Variants in NSUN7 observed in about 807,000 individuals in gnomAD.
NSUN7 encodes NOP2/Sun RNA methyltransferase family member 7.
Under a neutral mutation model 58.5 loss-of-function variants are expected in NSUN7, and 39 were observed. The ratio of observed to expected loss-of-function variants is 0.67; its 90% confidence interval spans 0.52 to 0.87. The LOEUF is 0.87. Ranked by LOEUF, NSUN7 falls within the 40% of genes least tolerant of loss-of-function variation. NSUN7 has a pLI of 0.00. For missense variants in NSUN7, 765 were observed against 844.1 expected (o/e 0.91, Z 1.16); for synonymous variants, 278 against 303.7 (o/e 0.92, Z 0.88).
intron 2 of NSUN7, among the ~76,000 whole-genome samples, chr4:40,755,200 C>T (rs1741079612): frequency 6.6e-6 from 1 of 152,152 alleles, no homozygotes; most frequent in Non-Finnish European, 1.5e-5. Context: ...AGTGATTCTC[C>T]TGCCTCAGCC....
chr4:40,803,236 G>A (rs994191298), intron 10 of NSUN7, among the ~76,000 whole-genome samples: 4 of 151,914 alleles, frequency 2.6e-5, no homozygotes, highest in South Asian at 2.1e-4. Flanking sequence ...GACTAGTGCC[G>A]CAATAAACAT....
chr4:40,774,349 A>G lies in NSUN7; in HGVS notation c.573A>G (p.Thr191=). 4 of 1,613,990 alleles carry G rather than the reference A, an allele frequency of 2.5e-6. No individual in the cohort carries two copies. The highest frequency in any genetic ancestry group is 3.4e-6 in the Non-Finnish European group (4 of 1,179,866). The change falls in exon 5 of 12, where the codon ACA becomes ACG. Residue 191 remains threonine (T), a synonymous_variant. Transcript: ENST00000381782. The part of the protein sequence containing the change: ...ALSIYHILPE[T]VRKQELRAST... Reference sequence around the variant, plus strand: ...CAATTTACCACATCCTTCCAGAAACAGTTAGGAAACAGGAACTAAGGGCCT... The same window carrying G: ...CAATTTACCACATCCTTCCAGAAACGGTTAGGAAACAGGAACTAAGGGCCT...
chr4:40,807,090 C>T lies in NSUN7; in HGVS notation c.1430C>T (p.Ser477Phe), dbSNP rs1743836008. The T allele has an allele frequency of 1.9e-6, 3 of 1,551,606 alleles. No individual in the cohort carries two copies. The highest frequency in any genetic ancestry group is 1.4e-5 in the African/African-American group (1 of 73,002). The change falls in exon 11 of 12, where the codon TCC becomes TTC. Residue 477 changes from serine to phenylalanine, a missense_variant. Coordinates refer to ENST00000381782, the MANE Select transcript of NSUN7 (RefSeq NM_024677.6). ...AGTCCTCCTGTTCTTCCACTGTGCT[C>T]CTTAAAGGAAATTCAATTGTCTACT... ...RLSPPVLPLCSLKEIQLSTDK... is the reference protein window; with the variant it reads ...RLSPPVLPLCFLKEIQLSTDK...
chr4:40,771,945 T>C (rs1742033376), intron 4 of NSUN7, among the ~76,000 whole-genome samples: 1 of 151,852 alleles, frequency 6.6e-6, no homozygotes, highest in East Asian at 1.9e-4. Context: ...TTTAAAGCTA[T>C]GGAAGAAGCT....
rs752669041 is a variant in NSUN7, at chr4:40,807,119, A to C, written c.1459A>C (p.Lys487Gln). The part of the protein sequence containing the change: ...SLKEIQLSTD[K>Q]FFRMEPSEIT... ...AAAGGAAATTCAATTGTCTACTGAT[A>C]AATTTTTCAGAATGGAACCATCTGA... Residue 487 changes from lysine to glutamine, a missense_variant, in exon 11 of 12, where the codon AAA (lysine) becomes CAA (glutamine). Physicochemically the swap from Lys to Gln is moderately conservative, Grantham distance 53 (BLOSUM62 1). Transcript: ENST00000381782. The C allele has an allele frequency of 3.9e-6, 6 of 1,551,376 alleles. No individual in the cohort carries two copies. In the South Asian group the frequency reaches 7.1e-5, roughly 18 times the overall value.
In NSUN7 at chr4:40,750,813, G is replaced by C. The variant is rs34487249; in HGVS notation, c.120G>C (p.Thr40=). ...GKSSAGVPEK[T]GYPDSVYVMA... is the part of the protein sequence containing the mutation. Reference sequence around the variant, plus strand: ...GCTCAGCTGGTGTGCCCGAAAAAACGGGCTATCCGGACTCCGTTTATGTCA... The same window carrying C: ...GCTCAGCTGGTGTGCCCGAAAAAACCGGCTATCCGGACTCCGTTTATGTCA... Residue 40 remains threonine, a synonymous_variant, in exon 2 of 12, where the codon ACG becomes ACC. Transcript: ENST00000381782. The C allele has an allele frequency of 5.6e-3, 9,009 of 1,614,178 alleles. 35 individuals are homozygous for C. Among genetic ancestry groups the C allele is most frequent in the Non-Finnish European group, 6.8e-3 (8,003 of 1,180,032 alleles).
At chr4:40,764,234 C>T (rs575888755) in intron 4 of NSUN7, among the ~76,000 whole-genome samples, 1 of 118,792 alleles carries the variant, frequency 8.4e-6, no homozygotes, top group Non-Finnish European at 1.7e-5. Flanking sequence ...CCCCTCCCCC[C>T]ACCCCACAAC....
At chr4:40,762,476 G>A (rs917520869) in intron 4 of NSUN7, 1 of 152,168 alleles carries the variant, frequency 6.6e-6, no homozygotes, top group African/African-American at 2.4e-5. Context: ...AGAAGATTCA[G>A]GTAATAGTAA....
At chr4:40,803,993 G>A (rs114650478) in intron 10 of NSUN7, among the ~76,000 whole-genome samples, 1,553 of 152,274 alleles carry the variant, frequency 0.01, 23 homozygotes, top group African/African-American at 0.034. Flanking sequence ...TTGGGAGACA[G>A]AGCAAAAGCC....
Position 40,798,887 on chromosome 4 carries a change from T to A in NSUN7, c.1383T>A (p.Asn461Lys). 1 of 1,596,322 alleles carries A rather than the reference T, an allele frequency of 6.3e-7. No individual in the cohort carries two copies. The highest frequency in any genetic ancestry group is 8.6e-7 in the Non-Finnish European group (1 of 1,164,734). Reference protein sequence around the residue: ...KKALEFQDLGNKGQPYRLSPP... With the variant: ...KKALEFQDLGKKGQPYRLSPP... ...CACTGGAATTTCAAGACCTTGGGAA[T>A]AAAGGACAACCTTACAGGTAAGAAA... The change falls in exon 10 of 12, where the codon AAT (asparagine) becomes AAA (lysine). Residue 461 changes from asparagine to lysine, a missense_variant. Transcript: ENST00000381782.
Position 40,809,317 on chromosome 4 carries a change from C to G in NSUN7, c.*378C>G. 5.9e-6 allele frequency: 1 copy of G among 168,848 alleles called. No individual in the cohort carries two copies. The allele number at this position is 168,848 out of a possible 1,614,324, so 10.5% of individuals were successfully genotyped here. A position where few individuals can be genotyped will look rare whatever the true frequency, so the allele number is the denominator to read the frequency against. On this transcript the variant is annotated 3_prime_UTR_variant, in exon 12 of 12. Transcript: ENST00000381782. The stretch of plus-strand genomic sequence containing the variant: ...CTCATTAGAAAGCCAAACAGGCAAA[C>G]GATCCTGGCCTCTCCCGCCAGCTGA...
rs1741378464 is a variant in NSUN7, at chr4:40,760,111, CA to C, written c.299-321del. ...TAAAAAGAATAAGAAAACTATTGCT[CA>C]ACATTATTAATTAGATCCTCTTTAA... is the stretch of plus-strand genomic sequence containing the variant. On this transcript the variant is annotated intron_variant, in intron 2 of 11. Transcript: ENST00000381782. Among the ~76,000 whole-genome samples, 3 of 152,104 alleles carry C rather than the reference CA, an allele frequency of 2.0e-5. No individual in the cohort carries two copies. In the South Asian group the frequency reaches 6.2e-4, roughly 32 times the overall value.
At chr4:40,808,107 A>C (rs538877342) in intron 11 of NSUN7, among the ~76,000 whole-genome samples, 200 bp from the exon 12 acceptor site, 18 of 85,562 alleles carry the variant, frequency 2.1e-4, no homozygotes, top group Non-Finnish European at 4.2e-4. Flanking sequence ...GGGGAAGTTT[A>C]AGTTTTTTTT....
intron 10 of NSUN7, among the ~76,000 whole-genome samples, chr4:40,802,897 T>C (rs1483320347): frequency 6.6e-6 from 1 of 150,414 alleles, no homozygotes; most frequent in Non-Finnish European, 1.5e-5. Flanking sequence ...CATTAACTTG[T>C]CATTTAGCAT....
At chr4:40,770,245 T>G (rs1461469869) in intron 4 of NSUN7, among the ~76,000 whole-genome samples, 1 of 149,576 alleles carries the variant, frequency 6.7e-6, no homozygotes, top group Non-Finnish European at 1.5e-5. Flanking sequence ...TGCAATCAAG[T>G]GTCACTTAAT....
chr4:40,784,282 A>T (rs1373189308), intron 7 of NSUN7, among the ~76,000 whole-genome samples: 1 of 152,234 alleles, frequency 6.6e-6, no homozygotes, highest in Non-Finnish European at 1.5e-5. Flanking sequence ...GTCCATACTC[A>T]AGAGAATTGA....
At chr4:40,784,649 A>G (rs949741712) in intron 7 of NSUN7, among the ~76,000 whole-genome samples, 4 of 152,226 alleles carry the variant, frequency 2.6e-5, no homozygotes, top group Non-Finnish European at 4.4e-5. Flanking sequence ...GAGAATGACT[A>G]CTAATGAGTA....
chr4:40,767,367 T>C lies in NSUN7; in HGVS notation c.488+6066T>C, dbSNP rs562160234. On this transcript the variant is annotated intron_variant, in intron 4 of 11. Coordinates refer to ENST00000381782, the MANE Select transcript of NSUN7 (RefSeq NM_024677.6). The stretch of plus-strand genomic sequence containing the variant: ...CCAGTAGTCATTCAGGAGTAGGTTG[T>C]TCAGTTTCCATGTAGTTGAGCGGTT... Among the ~76,000 whole-genome samples the C allele has an allele frequency of 1.2e-4, 18 of 152,352 alleles. No individual in the cohort carries two copies. In the East Asian group the frequency reaches 3.5e-3, roughly 29 times the overall value.
intron 10 of NSUN7, among the ~76,000 whole-genome samples, chr4:40,805,400 C>T (rs145914942): frequency 3.3e-5 from 5 of 152,250 alleles, no homozygotes; most frequent in East Asian, 3.9e-4. Context: ...TTCCTTGTCC[C>T]GAGTTCCCCA....
Sources: gnomAD v4.1 joint callset for allele counts (sites outside exome capture counted in the v4.1 genomes callset) on GRCh38, gnomAD v4.1.1 for gene constraint, MANE v1.5 for transcripts, NCBI Gene and HGNC (gene_info 2026-07-23, HGNC 2026-07-21) for gene names.